The following MYCBP2 variants were observed in gnomAD, a reference collection of about 807,000 sequenced individuals.
MYCBP2 encodes MYC binding protein 2.
In MYCBP2, 120 loss-of-function variants were observed where a neutral mutation model predicts 525.3. The observed-to-expected ratio is 0.23, with a 90% CI of 0.20 to 0.27. The LOEUF (loss-of-function observed/expected upper bound fraction) is 0.27. MYCBP2 is among the 10% of genes least tolerant of loss of function. MYCBP2 has a pLI of 1.00. For synonymous variants in MYCBP2, 1,894 were observed against 1,955.8 expected (o/e 0.97, Z 0.83); for missense variants, 4,149 against 5,657.1 (o/e 0.73, Z 8.55).
At chr13:77,137,001 C>CA (rs2053855294) in intron 52 of MYCBP2, among the ~76,000 whole-genome samples, 2 of 151,916 alleles carry the variant, frequency 1.3e-5, no homozygotes, top group African/African-American at 4.8e-5. Flanking sequence ...ATGAAGAAAC[C>CA]AAAAAAACCC....
chr13:77,291,046 T>A, intron 2 of MYCBP2, among the ~76,000 whole-genome samples: 1 of 152,206 alleles, frequency 6.6e-6, no homozygotes, highest in East Asian at 1.9e-4. Flanking sequence ...ATATACCATG[T>A]TCATGGATTG....
At chr13:77,225,747 C>T (rs191523958) in intron 18 of MYCBP2, among the ~76,000 whole-genome samples, 193 bp from the exon 19 acceptor site, 12 of 151,988 alleles carry the variant, frequency 7.9e-5, no homozygotes, top group African/African-American at 2.9e-4. Flanking sequence ...AGACTATATA[C>T]TTCCATTTGC....
chr13:77,271,351 T>C (rs1292323782), intron 5 of MYCBP2, among the ~76,000 whole-genome samples: 1 of 152,188 alleles, frequency 6.6e-6, no homozygotes, highest in Non-Finnish European at 1.5e-5. Context: ...AGGATTTCAG[T>C]GTCTTTCAAT....
At chr13:77,315,439 T>C (rs9600859) in intron 1 of MYCBP2, among the ~76,000 whole-genome samples, 4,575 of 152,252 alleles carry the variant, frequency 0.03, 240 homozygotes, top group African/African-American at 0.1. Context: ...AATTCAGCAA[T>C]ACATTCCAAA....
In MYCBP2 at chr13:77,326,979, G is replaced by A. The variant is rs2082396737; in HGVS notation, c.-204C>T. The A allele has an allele frequency of 4.1e-6, 2 of 485,546 alleles. No homozygotes were observed. Among genetic ancestry groups the A allele is most frequent in the Non-Finnish European group, 6.8e-6 (2 of 294,138 alleles). 30.1% of individuals were successfully genotyped at this position (485,546 alleles called of 1,614,324 possible). ...CCCGCGCCGCCCTCGCCGCTACTGG[G>A]GCCGCTCATCTAACCCCGCCACCCC... On this transcript the variant is annotated 5_prime_UTR_variant, in exon 1 of 83. Coordinates refer to ENST00000544440, the MANE Select transcript of MYCBP2 (RefSeq NM_015057.5). This position sits in a 1 kb window ranked among gnomAD's most constrained non-coding sequence, Gnocchi z 4.2.
At chr13:77,168,723 T>C in intron 39 of MYCBP2, 77 bp from the exon 40 acceptor site, 3 of 1,305,294 alleles carry the variant, frequency 2.3e-6, no homozygotes, top group Non-Finnish European at 3.3e-6. Context: ...CAATAATTGT[T>C]GGTTACTCTA....
chr13:77,201,937 A>C (rs1033373139), intron 26 of MYCBP2, among the ~76,000 whole-genome samples: 1 of 152,246 alleles, frequency 6.6e-6, no homozygotes, highest in African/African-American at 2.4e-5. Context: ...CACAAGAGGA[A>C]GCAGGAAAGA....
chr13:77,277,653 C>G (rs926615270), intron 4 of MYCBP2, among the ~76,000 whole-genome samples: 8 of 152,170 alleles, frequency 5.3e-5, no homozygotes, highest in African/African-American at 1.9e-4. Context: ...ACTCCTCAAA[C>G]CAGCATCTGT....
intron 20 of MYCBP2, among the ~76,000 whole-genome samples, chr13:77,218,954 G>A (rs1324930479): frequency 6.6e-6 from 1 of 152,166 alleles, no homozygotes. Flanking sequence ...TGGTGACTTT[G>A]ATAGCTATGT....
chr13:77,126,334 A>G lies in MYCBP2; in HGVS notation c.7868T>C (p.Val2623Ala). 6.2e-7 allele frequency: 1 copy of G among 1,613,730 alleles called. No homozygotes were observed. The highest frequency in any genetic ancestry group is 1.1e-5 in the South Asian group (1 of 91,036). Residue 2623 changes from valine (V) to alanine (A), a missense_variant, in exon 53 of 83, where the codon GTC (valine) becomes GCC (alanine). By Grantham distance (64) the Val-to-Ala change is moderately conservative. This residue lies in a region of MYCBP2 where 653 missense variants were observed against 744.7 expected (regional missense o/e 0.88). Coordinates refer to ENST00000544440, the MANE Select transcript of MYCBP2 (RefSeq NM_015057.5). Reference protein sequence around the residue: ...PIGMLVLGNKVKAVGEVTNSE... With the variant: ...PIGMLVLGNKAKAVGEVTNSE... Reference sequence around the variant, plus strand: ...AATCCATACCTCTCCCACTGCTTTGACTTTGTTTCCCAGAACTAACATTCC... The same window carrying G: ...AATCCATACCTCTCCCACTGCTTTGGCTTTGTTTCCCAGAACTAACATTCC...
chr13:77,269,849 A>G, intron 7 of MYCBP2, 143 bp downstream of exon 7: 1 of 688,424 alleles, frequency 1.5e-6, no homozygotes. Flanking sequence ...TCTTTACGCT[A>G]CACTATTCAG....
At chr13:77,290,236 T>C (rs2077329107) in intron 2 of MYCBP2, among the ~76,000 whole-genome samples, 1 of 152,142 alleles carries the variant, frequency 6.6e-6, no homozygotes. Context: ...CTGGTGGGGA[T>C]GAGGAGAAAC....
intron 69 of MYCBP2, 91 bp downstream of exon 69, chr13:77,070,540 T>C (rs1694387883): frequency 2.2e-6 from 2 of 891,120 alleles, no homozygotes; most frequent in African/African-American, 1.7e-5. Context: ...CCCTGCTTTA[T>C]ACCCTAATAA....
In MYCBP2 at chr13:77,062,635, C is replaced by G; in HGVS notation, c.12735G>C (p.Ser4245=). ...LDQDHVDRLS[S]GRWMGKDGQQ... is the part of the protein sequence containing the mutation. ...GTCCATCCTTTCCCATCCATCTCCCCGAGGAGAGACGATCTACGTGGTCCT... is the reference window on the plus strand; with the variant it reads ...GTCCATCCTTTCCCATCCATCTCCCGGAGGAGAGACGATCTACGTGGTCCT... The change falls in exon 74 of 83, where the codon TCG becomes TCC. Residue 4245 remains serine (S), a synonymous_variant. Coordinates refer to ENST00000544440, the MANE Select transcript of MYCBP2 (RefSeq NM_015057.5). The G allele has an allele frequency of 6.2e-7, 1 of 1,614,120 alleles. No individual in the cohort carries two copies. Among genetic ancestry groups the G allele is most frequent in the Non-Finnish European group, 8.5e-7 (1 of 1,180,014 alleles).
chr13:77,161,367 T>G (rs1053039980), intron 44 of MYCBP2, among the ~76,000 whole-genome samples: 3 of 152,124 alleles, frequency 2.0e-5, no homozygotes, highest in Non-Finnish European at 4.4e-5. Flanking sequence ...AGTTAATGCC[T>G]AAACGAGCAA....
chr13:77,303,277 G>A (rs2079010167), intron 1 of MYCBP2, among the ~76,000 whole-genome samples: 1 of 152,234 alleles, frequency 6.6e-6, no homozygotes, highest in Non-Finnish European at 1.5e-5. Context: ...CGGTTGCAGT[G>A]TGCGTAGATC....
chr13:77,163,338 T>C (rs2058165671), intron 43 of MYCBP2, among the ~76,000 whole-genome samples: 1 of 151,756 alleles, frequency 6.6e-6, no homozygotes, highest in African/African-American at 2.4e-5. Context: ...TCCATACATA[T>C]ATACCAATAT....
rs1273808004 is a variant in MYCBP2, at chr13:77,090,184, C to T, written c.10447G>A (p.Glu3483Lys). ...FQRSYSVVAS[E>K]YDKQHSILPA... Reference sequence around the variant, plus strand: ...AAAATGGAGTGTTGTTTATCATATTCGGAAGCAACAACTGAGTATGATCTT... The same window carrying T: ...AAAATGGAGTGTTGTTTATCATATTTGGAAGCAACAACTGAGTATGATCTT... Residue 3483 changes from glutamate to lysine, a missense_variant, in exon 60 of 83, where the codon GAA becomes AAA. Physicochemically the swap from Glu to Lys is moderately conservative, Grantham distance 56 (BLOSUM62 1). Transcript: ENST00000544440. The T allele has an allele frequency of 1.2e-5, 20 of 1,612,564 alleles. No homozygotes were observed. Among genetic ancestry groups the T allele is most frequent in the Admixed American group, 3.3e-5 (2 of 59,898 alleles).
intron 4 of MYCBP2, among the ~76,000 whole-genome samples, chr13:77,278,459 G>A (rs773931385): frequency 6.6e-6 from 1 of 152,054 alleles, no homozygotes; most frequent in African/African-American, 2.4e-5. Context: ...TGCTGTTTCC[G>A]TACCACAATT....
Sources: gnomAD v4.1 joint callset for allele counts (sites outside exome capture counted in the v4.1 genomes callset) on GRCh38, gnomAD v4.1.1 for gene constraint, gnomAD v4.1.1 regional missense constraint, Gnocchi (gnomAD v3.1) non-coding constraint, MANE v1.5 for transcripts, NCBI Gene and HGNC (gene_info 2026-07-23, HGNC 2026-07-21) for gene names.